The following KANSL1L variants were observed in gnomAD, a reference collection of about 807,000 sequenced individuals.
The protein encoded by KANSL1L is KAT8 regulatory NSL complex subunit 1 like.
Under a neutral mutation model 108.6 loss-of-function variants are expected in KANSL1L, and 25 were observed. That is an observed-to-expected ratio of 0.23 (90% CI 0.17 to 0.32). The LOEUF (loss-of-function observed/expected upper bound fraction) is 0.32. KANSL1L is among the 10% of genes least tolerant of loss of function. The pLI is 1.00. For missense variants in KANSL1L, 1,137 were observed against 1,125.7 expected, an observed-to-expected ratio of 1.01 and a Z score of -0.14; for synonymous variants, 405 against 395.1, an observed-to-expected ratio of 1.03 and a Z score of -0.30.
rs1384165089 is a variant in KANSL1L, at chr2:210,154,186, T to A, written c.397A>T (p.Ile133Phe). The change falls in exon 2 of 15, where the codon ATC becomes TTC. Residue 133 changes from isoleucine (I) to phenylalanine (F), a missense_variant. Ile to Phe is a conservative substitution (Grantham distance 21). This residue lies in a region of KANSL1L where 556 missense variants were observed against 537.7 expected (regional missense o/e 1.03). Transcript: ENST00000281772. ...GTATCTGATAGAGGCTCCTTTTTGATGAACTCTTCAGAATGAGAAAGACAG... is the reference window on the plus strand; with the variant it reads ...GTATCTGATAGAGGCTCCTTTTTGAAGAACTCTTCAGAATGAGAAAGACAG... ...KICLSHSEEF[I>F]KKEPLSDTTS... is the part of the protein sequence containing the mutation. The A allele has an allele frequency of 4.3e-6, 7 of 1,613,966 alleles. No individual in the cohort carries two copies. Among genetic ancestry groups the A allele is most frequent in the Non-Finnish European group, 4.2e-6 (5 of 1,179,952 alleles).
At chr2:210,116,773 G>A (rs1352991693) in intron 3 of KANSL1L, among the ~76,000 whole-genome samples, 1 of 152,110 alleles carries the variant, frequency 6.6e-6, no homozygotes, top group Non-Finnish European at 1.5e-5. Context: ...AAGAAGGACT[G>A]GTACAAATTA....
intron 6 of KANSL1L, among the ~76,000 whole-genome samples, chr2:210,055,201 C>T (rs936284312): frequency 1.2e-4 from 19 of 152,208 alleles, no homozygotes; most frequent in Admixed American, 3.3e-4. Context: ...CTTGCCGCCA[C>T]GTGAAGAAGT....
At chr2:210,090,361 G>T (rs1324102578) in intron 5 of KANSL1L, among the ~76,000 whole-genome samples, 1 of 152,048 alleles carries the variant, frequency 6.6e-6, no homozygotes, top group Non-Finnish European at 1.5e-5. Context: ...TACCCTTTAA[G>T]ATAATATTAT....
At chr2:210,139,852 C>G (rs745750924) in intron 2 of KANSL1L, among the ~76,000 whole-genome samples, 8 of 150,352 alleles carry the variant, frequency 5.3e-5, no homozygotes, top group Non-Finnish European at 1.0e-4. Context: ...AGTGATCTTC[C>G]CATCTCAGTC....
chr2:210,074,127 G>A lies in KANSL1L; in HGVS notation c.1755+1425C>T, dbSNP rs565497752. On this transcript the variant is annotated intron_variant, in intron 6 of 14. Transcript: ENST00000281772. The stretch of plus-strand genomic sequence containing the variant: ...CTGAGAGAAATGACATTTAAATTAA[G>A]TTTAGAAAGGTAAATAATTATTGGG... 9.9e-5 allele frequency among the ~76,000 whole-genome samples: 15 copies of A among 152,214 alleles called. No individual in the cohort carries two copies. The South Asian group carries it at 2.9e-3, about 29-fold the overall frequency.
intron 8 of KANSL1L, among the ~76,000 whole-genome samples, chr2:210,034,112 C>A (rs1232628683): frequency 6.6e-6 from 1 of 152,170 alleles, no homozygotes; most frequent in African/African-American, 2.4e-5. Context: ...ATTCATCCAA[C>A]AACAACTTTA....
In KANSL1L at chr2:210,154,596, G is replaced by A. The variant is rs757857763; in HGVS notation, c.-14C>T. ...AGCTGGGGTCATGGCGATTCCTGTA[G>A]ATAAGTATTGGAAACCTACAATAAT... On this transcript the variant is annotated 5_prime_UTR_variant, in exon 2 of 15. Coordinates refer to ENST00000281772, the MANE Select transcript of KANSL1L (RefSeq NM_152519.4). 3 of 1,458,662 alleles carry A rather than the reference G, an allele frequency of 2.1e-6. No individual in the cohort carries two copies. The highest frequency in any genetic ancestry group is 2.7e-6 in the Non-Finnish European group (3 of 1,103,058). 90.4% of individuals were successfully genotyped at this position (1,458,662 alleles called of 1,614,324 possible).
At chr2:210,164,335 T>C (rs190331829) in intron 1 of KANSL1L, among the ~76,000 whole-genome samples, 5 of 152,282 alleles carry the variant, frequency 3.3e-5, no homozygotes, top group Admixed American at 1.3e-4. Context: ...GGAAAGTTTA[T>C]GGAAAATAAA....
At chr2:210,102,994 G>A (rs1390139243) in intron 4 of KANSL1L, among the ~76,000 whole-genome samples, 1 of 152,106 alleles carries the variant, frequency 6.6e-6, no homozygotes, top group African/African-American at 2.4e-5. Flanking sequence ...TATAAATCAT[G>A]CTGCTATAAA....
chr2:210,042,330 T>C (rs562425008), intron 7 of KANSL1L, among the ~76,000 whole-genome samples: 11 of 152,314 alleles, frequency 7.2e-5, no homozygotes, highest in African/African-American at 2.2e-4. Context: ...GAGATTTTTA[T>C]TGAATGTAAG....
At chr2:210,111,403 A>ATATATGACTTTATTAT (rs1236595118) in intron 3 of KANSL1L, among the ~76,000 whole-genome samples, 2 of 152,192 alleles carry the variant, frequency 1.3e-5, no homozygotes, top group Non-Finnish European at 2.9e-5. Flanking sequence ...ATGTTTTATT[A>ATATATGACTTTATTAT]TTTGACTTAT....
intron 1 of KANSL1L, among the ~76,000 whole-genome samples, chr2:210,159,774 G>A (rs756593374): frequency 2.0e-5 from 3 of 152,148 alleles, no homozygotes; most frequent in Admixed American, 6.5e-5. Flanking sequence ...ACAACAGGCC[G>A]GGCGCGGTGG....
At chr2:210,148,857 C>A (rs1351156850) in intron 2 of KANSL1L, among the ~76,000 whole-genome samples, 1 of 151,958 alleles carries the variant, frequency 6.6e-6, no homozygotes, top group Non-Finnish European at 1.5e-5. Flanking sequence ...TTTTTCCTAT[C>A]AGGGCTACTA....
chr2:210,085,654 A>G (rs1045900744), intron 5 of KANSL1L, among the ~76,000 whole-genome samples: 7 of 152,020 alleles, frequency 4.6e-5, no homozygotes, highest in African/African-American at 1.7e-4. Flanking sequence ...GTTTTCATTT[A>G]TACCCTTCAC....
intron 1 of KANSL1L, among the ~76,000 whole-genome samples, chr2:210,166,921 T>G (rs1279117157): frequency 6.6e-6 from 1 of 151,978 alleles, no homozygotes; most frequent in Non-Finnish European, 1.5e-5. Flanking sequence ...TAGCAAAATA[T>G]GAGAAGTTTT....
chr2:210,164,801 T>G lies in KANSL1L; in HGVS notation c.-30+6348A>C, dbSNP rs76067380. ...TCTGTCAATAGGTAACAGTTCTAGA[T>G]AATCCAAAAACCAACTATGTTTCTT... On this transcript the variant is annotated intron_variant, in intron 1 of 14. Coordinates refer to ENST00000281772, the MANE Select transcript of KANSL1L (RefSeq NM_152519.4). Among the ~76,000 whole-genome samples, 150 of 151,466 alleles carry G rather than the reference T, an allele frequency of 9.9e-4. 1 individual carries two copies. The East Asian group carries it at 0.028, about 28-fold the overall frequency.
chr2:210,058,374 C>T (rs562846543), intron 6 of KANSL1L, among the ~76,000 whole-genome samples: 4 of 152,200 alleles, frequency 2.6e-5, no homozygotes, highest in South Asian at 4.1e-4. Context: ...AATGCGTGCC[C>T]GAAACTTCAT....
intron 6 of KANSL1L, among the ~76,000 whole-genome samples, chr2:210,058,661 G>A (rs192099688): frequency 1.8e-3 from 273 of 151,998 alleles, no homozygotes; most frequent in Admixed American, 4.3e-3. Flanking sequence ...GTGAAACCCC[G>A]TCTCTACTAA....
rs11898587 is a variant in KANSL1L at position 210,082,300 on chromosome 2, A to T, written c.1551-6544T>A. Among the ~76,000 whole-genome samples, 490 of 152,330 alleles carry T rather than the reference A, an allele frequency of 3.2e-3. 3 individuals are homozygous for T. The highest frequency in any genetic ancestry group is 0.011 in the African/African-American group (468 of 41,580). On this transcript the variant is annotated intron_variant, in intron 5 of 14. Transcript: ENST00000281772. ...ACATGATAGATGACTGCTTTGGAAA[A>T]TGCTGCTACTTAATGATATGTGATA...
Sources: allele counts gnomAD v4.1 joint callset (sites outside exome capture counted in the v4.1 genomes callset), GRCh38; gene constraint gnomAD v4.1.1; regional missense constraint gnomAD v4.1.1; transcripts MANE v1.5; gene names NCBI Gene and HGNC (gene_info 2026-07-23, HGNC 2026-07-21).